Variants in THSD7B observed in about 807,000 individuals in gnomAD.
The protein encoded by THSD7B is thrombospondin type 1 domain containing 7B, also known as thrombospondin type-1 domain-containing protein 7B.
In THSD7B, 138 loss-of-function variants were observed where a neutral mutation model predicts 213.6. That is an observed-to-expected ratio of 0.65 (90% CI 0.56 to 0.74). The LOEUF (loss-of-function observed/expected upper bound fraction) is 0.74. THSD7B is among the 30% of genes least tolerant of loss of function. The pLI is 0.00. For synonymous variants in THSD7B, 742 were observed against 687.0 expected (o/e 1.08, Z -1.25); for missense variants, 1,931 against 1,991.5 (o/e 0.97, Z 0.58).
At position 136,832,201 on chromosome 2, in the gene THSD7B, G is replaced by GTGTATA. The variant is rs66731773; in HGVS notation, c.-35-49942_-35-49941insGTATAT. ...TGTGTGTGTGTGTGTGTGTGTGTGT[G>GTGTATA]TATACACACACACATATATACAATT... On this transcript the variant is annotated intron_variant, in intron 1 of 27. Transcript: ENST00000409968. Among the ~76,000 whole-genome samples, 8 of 146,406 alleles carry GTGTATA rather than the reference G, an allele frequency of 5.5e-5. No homozygotes were observed. In the South Asian group the frequency reaches 6.6e-4, roughly 12 times the overall value.
At position 137,272,630 on chromosome 2, in the gene THSD7B, G is replaced by A; in HGVS notation, c.2364G>A (p.Glu788=). Residue 788 remains glutamate, a synonymous_variant, in exon 11 of 28, where the codon GAG becomes GAA. Coordinates refer to ENST00000409968, the MANE Select transcript of THSD7B (RefSeq NM_001316349.2). ...CAGATACCTTATATGAGGAGAGAGA[G>A]TGTGAAGATGTTTCCTTGTGTCCTG... ...ECPDTLYEER[E]CEDVSLCPVY... is the part of the protein sequence containing the mutation. 2 of 1,612,060 alleles carry A rather than the reference G, an allele frequency of 1.2e-6. No individual in the cohort carries two copies. Among genetic ancestry groups the A allele is most frequent in the Non-Finnish European group, 1.7e-6 (2 of 1,178,918 alleles).
intron 1 of THSD7B, among the ~76,000 whole-genome samples, chr2:136,858,544 A>G (rs1337238151): frequency 6.6e-6 from 1 of 152,190 alleles, no homozygotes; most frequent in Non-Finnish European, 1.5e-5. Context: ...CACTATTTAG[A>G]TAGTGATACT....
intron 16 of THSD7B, among the ~76,000 whole-genome samples, chr2:137,568,284 A>C (rs1000845551): frequency 6.6e-6 from 1 of 152,114 alleles, no homozygotes; most frequent in Non-Finnish European, 1.5e-5. Flanking sequence ...GAATTTGAGT[A>C]AAAGTGAGGT....
chr2:137,246,305 C>T (rs570946229), intron 10 of THSD7B, among the ~76,000 whole-genome samples: 1 of 152,248 alleles, frequency 6.6e-6, no homozygotes, highest in African/African-American at 2.4e-5. Context: ...AAGTTGACTG[C>T]ACAATGGAAT....
chr2:137,412,983 AC>A (rs1251509209), intron 14 of THSD7B, among the ~76,000 whole-genome samples: 1 of 151,766 alleles, frequency 6.6e-6, no homozygotes, highest in African/African-American at 2.4e-5. Flanking sequence ...GGTTTTGTGT[AC>A]TAATAAACGT....
intron 2 of THSD7B, among the ~76,000 whole-genome samples, chr2:137,012,671 G>A (rs1686253105): frequency 6.6e-6 from 1 of 152,180 alleles, no homozygotes; most frequent in Non-Finnish European, 1.5e-5. Flanking sequence ...TCCTTTTAAT[G>A]ACATTTGAGA....
intron 12 of THSD7B, among the ~76,000 whole-genome samples, chr2:137,334,169 TTTCTCTC>T (rs1175173656): frequency 1.8e-5 from 1 of 57,002 alleles, no homozygotes; most frequent in East Asian, 6.3e-4. Context: ...TCTTTCTCTC[TTTCTCTC>T]TCTCTCTCTC....
chr2:136,943,815 A>C (rs1164315251), intron 2 of THSD7B, among the ~76,000 whole-genome samples: 3 of 152,060 alleles, frequency 2.0e-5, no homozygotes, highest in Non-Finnish European at 4.4e-5. Context: ...AATTTCATTG[A>C]TCTTTTCAAA....
chr2:137,612,604 G>T (rs1432222681), intron 17 of THSD7B, among the ~76,000 whole-genome samples: 1 of 152,128 alleles, frequency 6.6e-6, no homozygotes, highest in African/African-American at 2.4e-5. Flanking sequence ...ATAGCAGACT[G>T]CCAAACATCA....
chr2:137,004,762 A>G (rs1237679399), intron 2 of THSD7B, among the ~76,000 whole-genome samples: 1 of 152,170 alleles, frequency 6.6e-6, no homozygotes, highest in South Asian at 2.1e-4. Flanking sequence ...TCGTTTCCAT[A>G]TGAATATTTA....
At chr2:137,156,320 G>C (rs1249299621) in intron 5 of THSD7B, 1 of 152,130 alleles carries the variant, frequency 6.6e-6, no homozygotes, top group Non-Finnish European at 1.5e-5. Flanking sequence ...AAGCATCTTA[G>C]ACTTGTCACC....
At chr2:136,873,860 C>A (rs893433994) in intron 1 of THSD7B, among the ~76,000 whole-genome samples, 1 of 152,114 alleles carries the variant, frequency 6.6e-6, no homozygotes, top group Non-Finnish European at 1.5e-5. Context: ...GCTCCAAGGT[C>A]GTGCACTGCC....
intron 8 of THSD7B, 115 bp downstream of exon 8, chr2:137,231,350 C>G: frequency 9.9e-7 from 1 of 1,013,638 alleles, no homozygotes; most frequent in East Asian, 2.6e-5. Flanking sequence ...GACGATATCT[C>G]TATTCCCTGA....
Position 137,173,130 on chromosome 2 carries a change from G to A in THSD7B, c.1723+2192G>A, listed in dbSNP as rs192841555. 5.9e-5 allele frequency among the ~76,000 whole-genome samples: 9 copies of A among 152,056 alleles called. No individual in the cohort carries two copies. In the East Asian group the frequency reaches 1.7e-3, roughly 29 times the overall value. On this transcript the variant is annotated intron_variant, in intron 7 of 27. Transcript: ENST00000409968. ...TTATATAACAATGATTAGTGAAGTG[G>A]CAATGATTTTTTGAATGGCATATAA...
intron 5 of THSD7B, among the ~76,000 whole-genome samples, chr2:137,156,509 C>T (rs1679911922): frequency 6.6e-6 from 1 of 152,146 alleles, no homozygotes; most frequent in African/African-American, 2.4e-5. Context: ...CCATGTCCTT[C>T]TCTAATTTCA....
intron 12 of THSD7B, among the ~76,000 whole-genome samples, chr2:137,364,574 A>T (rs1438801212): frequency 6.6e-6 from 1 of 152,218 alleles, no homozygotes; most frequent in African/African-American, 2.4e-5. Flanking sequence ...ATGTGCCAAA[A>T]TCACAAGCAT....
At position 137,518,240 on chromosome 2, in the gene THSD7B, G is replaced by A. The variant is rs184896536; in HGVS notation, c.3139-44981G>A. Among the ~76,000 whole-genome samples the A allele has an allele frequency of 2.8e-3, 425 of 152,288 alleles. 3 individuals are homozygous for A. The highest frequency in any genetic ancestry group is 9.9e-3 in the African/African-American group (413 of 41,564). ...ATGATCAGTTGACAGAGGAAGAGAA[G>A]ACCAGGGCCTGGTTCACAGATGATC... On this transcript the variant is annotated intron_variant, in intron 15 of 27. Transcript: ENST00000409968.
At chr2:137,436,091 T>C (rs889685797) in intron 14 of THSD7B, among the ~76,000 whole-genome samples, 12 of 152,128 alleles carry the variant, frequency 7.9e-5, no homozygotes, top group African/African-American at 2.9e-4. Flanking sequence ...TTTATAACCT[T>C]CCACTTCACT....
chr2:136,993,998 T>C (rs13414538), intron 2 of THSD7B, among the ~76,000 whole-genome samples: 4,151 of 152,234 alleles, frequency 0.027, 191 homozygotes, highest in African/African-American at 0.094. Flanking sequence ...GAGGTTATGG[T>C]TGGGGAGAAC....
Sources: gnomAD v4.1 joint callset for allele counts (sites outside exome capture counted in the v4.1 genomes callset) on GRCh38, gnomAD v4.1.1 for gene constraint, MANE v1.5 for transcripts, NCBI Gene and HGNC (gene_info 2026-07-23, HGNC 2026-07-21) for gene names.